ZNF462: variants seen among roughly 807,000 people sequenced by gnomAD.
ZNF462 encodes the protein zinc finger protein 462, also known as zinc finger PBX1-interacting protein.
ZNF462 carries 10 observed loss-of-function variants against 201.9 expected under a neutral mutation model. That is an observed-to-expected ratio of 0.05 (90% CI 0.03 to 0.08). ZNF462 has a LOEUF of 0.08. Ranked by LOEUF, ZNF462 falls within the 10% of genes least tolerant of loss-of-function variation. The pLI is 1.00. For synonymous variants in ZNF462, 1,227 were observed against 1,193.3 expected, an observed-to-expected ratio of 1.03 and a Z score of -0.58; for missense variants, 2,523 against 3,168.3, an observed-to-expected ratio of 0.80 and a Z score of 4.89.
rs746456064 is a variant in ZNF462, at chr9:106,924,383, A to G, written c.471A>G (p.Gly157=). 9 of 1,614,066 alleles carry G rather than the reference A, an allele frequency of 5.6e-6. No individual in the cohort carries two copies. Among genetic ancestry groups the G allele is most frequent in the Non-Finnish European group, 5.9e-6 (7 of 1,180,050 alleles). ...ATTATAATATCATGATGCACGAGGG[A>G]TTTGGAAAGGTCTTCTCTTGCCAGT... is the stretch of plus-strand genomic sequence containing the variant. ...SLNYNIMMHE[G]FGKVFSCQFC... is the part of the protein sequence containing the mutation. Residue 157 remains glycine (G), a synonymous_variant, in exon 3 of 13, where the codon GGA becomes GGG. Transcript: ENST00000277225. This position sits in a 1 kb window ranked among gnomAD's most constrained non-coding sequence, Gnocchi z 6.2.
At chr9:106,892,546 G>A (rs1828625210) in intron 1 of ZNF462, among the ~76,000 whole-genome samples, 1 of 151,844 alleles carries the variant, frequency 6.6e-6, no homozygotes, top group Non-Finnish European at 1.5e-5. Context: ...AAGGATTTGT[G>A]GGGTTCAATT....
intron 1 of ZNF462, among the ~76,000 whole-genome samples, chr9:106,898,209 G>A (rs1323688655): frequency 6.6e-6 from 1 of 152,172 alleles, no homozygotes; most frequent in East Asian, 1.9e-4. Context: ...GCCTGGAGAT[G>A]GGTTTGAACA....
chr9:106,974,455 G>A lies in ZNF462; in HGVS notation c.6832+182G>A, dbSNP rs990697912. The A allele has an allele frequency of 1.1e-6, 1 of 873,108 alleles. No individual in the cohort carries two copies. Among genetic ancestry groups the A allele is most frequent in the East Asian group, 2.5e-5 (1 of 39,886 alleles). The allele number at this position is 873,108 out of a possible 1,614,324, so 54.1% of individuals were successfully genotyped here. ...AAAGGGCAAAAACACCTTCCTGCTGGGAGTATTTCCTCCACCTGGAGGGAG... is the reference window on the plus strand; with the variant it reads ...AAAGGGCAAAAACACCTTCCTGCTGAGAGTATTTCCTCCACCTGGAGGGAG... On this transcript the variant is annotated intron_variant, in intron 9 of 12. Transcript: ENST00000277225. The surrounding 1 kb of genome is among the most constrained non-coding windows in gnomAD (Gnocchi z 4.0).
At chr9:106,937,383 G>A (rs1028475904) in intron 6 of ZNF462, among the ~76,000 whole-genome samples, 1 of 152,002 alleles carries the variant, frequency 6.6e-6, no homozygotes, top group African/African-American at 2.4e-5. Context: ...TAATAATCTC[G>A]GAAATGTAGG....
chr9:106,956,237 G>A (rs1363414717), intron 7 of ZNF462, among the ~76,000 whole-genome samples: 1 of 152,146 alleles, frequency 6.6e-6, no homozygotes, highest in Non-Finnish European at 1.5e-5. Context: ...AGTGGATATT[G>A]TGTTAGCAGG....
At chr9:106,955,351 G>C (rs1188230230) in intron 7 of ZNF462, among the ~76,000 whole-genome samples, 2 of 152,048 alleles carry the variant, frequency 1.3e-5, no homozygotes, top group Non-Finnish European at 2.9e-5. Context: ...GTATACAATA[G>C]CATTATGTCT....
In ZNF462 at chr9:106,890,935, G is replaced by A. The variant is rs774700207; in HGVS notation, c.-31+27580G>A. Among the ~76,000 whole-genome samples the A allele has an allele frequency of 2.5e-4, 38 of 152,044 alleles. No individual in the cohort carries two copies. The highest frequency in any genetic ancestry group is 4.1e-4 in the Non-Finnish European group (28 of 68,010). On this transcript the variant is annotated intron_variant, in intron 1 of 12. Coordinates refer to ENST00000277225, the MANE Select transcript of ZNF462 (RefSeq NM_021224.6). The surrounding 1 kb of genome is among the most constrained non-coding windows in gnomAD (Gnocchi z 4.2). The stretch of plus-strand genomic sequence containing the variant: ...TCCTTAAAATCTGATGGTTTTCTTT[G>A]TACCTTTCTGGTTGAGTAAAGAATA...
At chr9:106,864,059 T>C (rs1045276535) in intron 1 of ZNF462, among the ~76,000 whole-genome samples, 11 of 83,898 alleles carry the variant, frequency 1.3e-4, no homozygotes, top group Admixed American at 2.4e-4. Flanking sequence ...TCTCTCTCTC[T>C]CTCTCTCTCT....
At chr9:106,979,770 A>G (rs146681685) in intron 9 of ZNF462, among the ~76,000 whole-genome samples, 1 of 147,258 alleles carries the variant, frequency 6.8e-6, no homozygotes, top group Non-Finnish European at 1.5e-5. Context: ...ATGTATATGT[A>G]TCTTGCACAT....
At chr9:106,868,053 A>C (rs73520817) in intron 1 of ZNF462, among the ~76,000 whole-genome samples, 2,461 of 142,206 alleles carry the variant, frequency 0.017, 57 homozygotes, top group African/African-American at 0.058. Flanking sequence ...TCCATGACTG[A>C]AAGCTAAAAT....
rs970024642 is a variant in ZNF462 at position 106,895,261 on chromosome 9, T to C, written c.-30-28093T>C. On this transcript the variant is annotated intron_variant, in intron 1 of 12. Coordinates refer to ENST00000277225, the MANE Select transcript of ZNF462 (RefSeq NM_021224.6). This position sits in a 1 kb window ranked among gnomAD's most constrained non-coding sequence, Gnocchi z 4.4. ...AAAATTGAGCTTAGACCACAGCTCA[T>C]TAGTTAACTCTGGATGGGTCAGAAA... is the stretch of plus-strand genomic sequence containing the variant. 1.3e-5 allele frequency among the ~76,000 whole-genome samples: 2 copies of C among 152,176 alleles called. No homozygotes were observed. Among genetic ancestry groups the C allele is most frequent in the Non-Finnish European group, 2.9e-5 (2 of 68,022 alleles).
chr9:106,906,324 C>T (rs1829272788), intron 1 of ZNF462, among the ~76,000 whole-genome samples: 1 of 152,126 alleles, frequency 6.6e-6, no homozygotes, highest in African/African-American at 2.4e-5. Flanking sequence ...TTTGTTCTTG[C>T]AGTCAATCTG....
chr9:106,870,934 T>TA lies in ZNF462; in HGVS notation c.-31+7581dup, dbSNP rs1827562253. On this transcript the variant is annotated intron_variant, in intron 1 of 12. Coordinates refer to ENST00000277225, the MANE Select transcript of ZNF462 (RefSeq NM_021224.6). The surrounding 1 kb of genome is among the most constrained non-coding windows in gnomAD (Gnocchi z 4.3). ...TTTTTCCTGTTCAGATTTAAGAAGG[T>TA]AATGCCATTATTCTTCAGTTTTGCT... Among the ~76,000 whole-genome samples the TA allele has an allele frequency of 1.3e-5, 2 of 152,182 alleles. No homozygotes were observed. Among genetic ancestry groups the TA allele is most frequent in the Admixed American group, 1.3e-4 (2 of 15,284 alleles).
chr9:106,891,096 G>A (rs1362605552), intron 1 of ZNF462, among the ~76,000 whole-genome samples: 2 of 152,122 alleles, frequency 1.3e-5, no homozygotes, highest in Non-Finnish European at 2.9e-5. Flanking sequence ...TGATTTCTAG[G>A]AAATGGGAGA....
At chr9:106,877,471 G>T (rs1220963083) in intron 1 of ZNF462, among the ~76,000 whole-genome samples, 2 of 151,568 alleles carry the variant, frequency 1.3e-5, no homozygotes, top group Non-Finnish European at 1.5e-5. Flanking sequence ...CACACTGTAA[G>T]CCCGGCCTCC....
chr9:106,985,715 C>G (rs1827787228), intron 10 of ZNF462, among the ~76,000 whole-genome samples: 1 of 152,106 alleles, frequency 6.6e-6, no homozygotes, highest in African/African-American at 2.4e-5. Flanking sequence ...TCTTTTCTGG[C>G]CTTACAAACC....
chr9:106,988,349 TG>T lies in ZNF462; in HGVS notation c.7056+3945del, dbSNP rs575480558. Among the ~76,000 whole-genome samples the T allele has an allele frequency of 1.2e-4, 19 of 152,138 alleles. 1 individual carries two copies. In the South Asian group the frequency reaches 3.5e-3, roughly 28 times the overall value. On this transcript the variant is annotated intron_variant, in intron 10 of 12. Coordinates refer to ENST00000277225, the MANE Select transcript of ZNF462 (RefSeq NM_021224.6). ...GACATTCACTACCACAAGAACAGTATGGGGGAAACTGCCCACGTGATTCAAT... is the reference window on the plus strand; with the variant it reads ...GACATTCACTACCACAAGAACAGTATGGGGAAACTGCCCACGTGATTCAAT...
chr9:106,889,320 G>A (rs374534521), intron 1 of ZNF462, among the ~76,000 whole-genome samples: 43 of 152,254 alleles, frequency 2.8e-4, no homozygotes, highest in Admixed American at 1.1e-3. Context: ...CGCTGTGCTC[G>A]GGTAGCTCAG....
chr9:106,975,395 T>TGA (rs1255706468), intron 9 of ZNF462: 3 of 152,236 alleles, frequency 2.0e-5, no homozygotes, highest in African/African-American at 4.8e-5. Flanking sequence ...ACATTGCCCC[T>TGA]GAGCCATTGC....
Sources: allele counts gnomAD v4.1 joint callset (sites outside exome capture counted in the v4.1 genomes callset), GRCh38; gene constraint gnomAD v4.1.1; non-coding constraint Gnocchi (gnomAD v3.1); transcripts MANE v1.5; gene names NCBI Gene and HGNC (gene_info 2026-07-23, HGNC 2026-07-21).